The following PXDNL variants were observed in gnomAD, a reference collection of about 807,000 sequenced individuals.
The protein encoded by PXDNL is peroxidasin like, also known as probable oxidoreductase PXDNL.
PXDNL carries 145 observed loss-of-function variants against 150.8 expected under a neutral mutation model. The ratio of observed to expected loss-of-function variants is 0.96; its 90% CI spans 0.84 to 1.10. The LOEUF (loss-of-function observed/expected upper bound fraction) is 1.10. Among genes scored for constraint, PXDNL ranks in the 50% least tolerant of loss-of-function variants. PXDNL has a pLI of 0.00. For missense variants in PXDNL, 2,087 were observed against 1,873.9 expected, an observed-to-expected ratio of 1.11 and a Z score of -2.10; for synonymous variants, 757 against 725.7, an observed-to-expected ratio of 1.04 and a Z score of -0.69.
chr8:51,675,037 C>T (rs561873623), intron 1 of PXDNL, among the ~76,000 whole-genome samples: 1 of 152,288 alleles, frequency 6.6e-6, no homozygotes, highest in African/African-American at 2.4e-5. Flanking sequence ...CTATTACCTG[C>T]CATTTATTCT....
At chr8:51,691,590 C>A (rs1254778695) in intron 1 of PXDNL, among the ~76,000 whole-genome samples, 1 of 150,908 alleles carries the variant, frequency 6.6e-6, no homozygotes, top group East Asian at 2.0e-4. Flanking sequence ...AAAAAAAACA[C>A]CTAAATATAA....
At chr8:51,725,227 A>G (rs142289023) in intron 1 of PXDNL, among the ~76,000 whole-genome samples, 13 of 152,286 alleles carry the variant, frequency 8.5e-5, no homozygotes, top group Non-Finnish European at 1.6e-4. Flanking sequence ...TTGACAATCA[A>G]TAGCCCCATC....
At position 51,668,176 on chromosome 8, in the gene PXDNL, C is replaced by CTTT. The variant is rs71550279; in HGVS notation, c.165-13419_165-13417dup. On this transcript the variant is annotated intron_variant, in intron 1 of 22. Transcript: ENST00000356297. ...ATACAAGGCTTCCTTCTCGCTCTCTCTTTTTTTTTTTTTTTTTGAGACAGA... is the reference window on the plus strand; with the variant it reads ...ATACAAGGCTTCCTTCTCGCTCTCTCTTTTTTTTTTTTTTTTTTTTGAGACAGA... 3.5e-4 allele frequency among the ~76,000 whole-genome samples: 27 copies of CTTT among 77,384 alleles called. 1 individual carries two copies. Among genetic ancestry groups the CTTT allele is most frequent in the African/African-American group, 5.9e-4 (11 of 18,670 alleles). The allele number at this position is 77,384 out of a possible 152,430, so 50.8% of individuals were successfully genotyped here.
rs564380300 is a variant in PXDNL at position 51,602,565 on chromosome 8, C to G, written c.237-9867G>C. On this transcript the variant is annotated intron_variant, in intron 2 of 22. Coordinates refer to ENST00000356297, the MANE Select transcript of PXDNL (RefSeq NM_144651.5). ...AATATAGGAGTGACAAATTCTAAGA[C>G]TTCAAAATTCAAATGTTATTTGAAA... 7.3e-4 allele frequency among the ~76,000 whole-genome samples: 111 copies of G among 151,936 alleles called. 3 individuals carry two copies. The South Asian group carries it at 0.021, about 29-fold the overall frequency.
chr8:51,588,394 T>C (rs1813373124), intron 3 of PXDNL, among the ~76,000 whole-genome samples: 1 of 152,206 alleles, frequency 6.6e-6, no homozygotes, highest in South Asian at 2.1e-4. Context: ...ACACATCTGT[T>C]ATCCTTGCCT....
intron 1 of PXDNL, among the ~76,000 whole-genome samples, chr8:51,670,029 G>C (rs1815468060): frequency 6.6e-6 from 1 of 152,176 alleles, no homozygotes; most frequent in South Asian, 2.1e-4. Context: ...TTGAGGTCAA[G>C]AGTTCTAGAC....
intron 19 of PXDNL, among the ~76,000 whole-genome samples, chr8:51,362,036 A>G (rs1384344976): frequency 6.6e-6 from 1 of 151,994 alleles, no homozygotes; most frequent in African/African-American, 2.4e-5. Flanking sequence ...GATAGGCAAA[A>G]GCTTCTAAAA....
chr8:51,493,091 A>G (rs1253003159), intron 5 of PXDNL, among the ~76,000 whole-genome samples: 1 of 152,188 alleles, frequency 6.6e-6, no homozygotes, highest in Non-Finnish European at 1.5e-5. Context: ...AAACTTCCAG[A>G]GGAACGATCA....
chr8:51,423,519 A>G (rs1437105675), intron 14 of PXDNL, 56 bp downstream of exon 14: 11 of 1,487,490 alleles, frequency 7.4e-6, no homozygotes, highest in East Asian at 2.3e-5. Flanking sequence ...GGATTGGGGT[A>G]GAAGCTGTTC....
At chr8:51,542,127 G>A (rs7843341) in intron 4 of PXDNL, among the ~76,000 whole-genome samples, 7,103 of 151,892 alleles carry the variant, frequency 0.047, 566 homozygotes, top group African/African-American at 0.16. Flanking sequence ...CTGAATTTCA[G>A]GCTTTAATTT....
chr8:51,672,767 G>T (rs1392638111), intron 1 of PXDNL, among the ~76,000 whole-genome samples: 1 of 151,946 alleles, frequency 6.6e-6, no homozygotes, highest in East Asian at 1.9e-4. Flanking sequence ...ATTCCCTGAG[G>T]TTCTATAAAC....
intron 3 of PXDNL, among the ~76,000 whole-genome samples, chr8:51,558,508 C>G (rs1376072828): frequency 6.6e-6 from 1 of 152,026 alleles, no homozygotes; most frequent in African/African-American, 2.4e-5. Flanking sequence ...GAGAGGCATA[C>G]AAACACTATA....
At chr8:51,444,883 C>A (rs1375230851) in intron 12 of PXDNL, among the ~76,000 whole-genome samples, 1 of 151,472 alleles carries the variant, frequency 6.6e-6, no homozygotes, top group African/African-American at 2.4e-5. Flanking sequence ...CCTATCCTAT[C>A]CTCTTTAGGT....
At chr8:51,744,269 A>AAAGGAAGGAAGG (rs1257692642) in intron 1 of PXDNL, among the ~76,000 whole-genome samples, 1 of 110,298 alleles carries the variant, frequency 9.1e-6, no homozygotes, top group Admixed American at 1.0e-4. Flanking sequence ...AAAGAGAAAG[A>AAAGGAAGGAAGG]AAGGAAGGAA....
intron 21 of PXDNL, among the ~76,000 whole-genome samples, chr8:51,335,758 A>G (rs971826747): frequency 2.0e-5 from 3 of 150,996 alleles, no homozygotes; most frequent in Admixed American, 6.6e-5. Context: ...ACTAGATACA[A>G]TCTCAAATAG....
intron 19 of PXDNL, among the ~76,000 whole-genome samples, chr8:51,347,183 T>C (rs530577960): frequency 2.1e-3 from 317 of 152,206 alleles, no homozygotes; most frequent in Middle Eastern, 0.014. Context: ...AGGCAGAGAG[T>C]ACTTTTGTTC....
chr8:51,801,201 A>G (rs373642111), intron 1 of PXDNL, among the ~76,000 whole-genome samples: 17 of 152,204 alleles, frequency 1.1e-4, no homozygotes, highest in East Asian at 3.9e-4. Context: ...TATGTGGTTG[A>G]GATAAGGACT....
rs901612763 is a variant in PXDNL, at chr8:51,586,641, T to C, written c.308+5986A>G. On this transcript the variant is annotated intron_variant, in intron 3 of 22. Coordinates refer to ENST00000356297, the MANE Select transcript of PXDNL (RefSeq NM_144651.5). ...TTGCCTAATATTTCAAAAAAAATCT[T>C]TTTATCTATAGGATACAATAGAAAT... 2.6e-5 allele frequency among the ~76,000 whole-genome samples: 4 copies of C among 152,320 alleles called. No individual in the cohort carries two copies. In the South Asian group the frequency reaches 8.3e-4, roughly 32 times the overall value.
intron 1 of PXDNL, among the ~76,000 whole-genome samples, chr8:51,773,605 G>A (rs544016117): frequency 1.2e-4 from 19 of 152,310 alleles, no homozygotes; most frequent in African/African-American, 4.6e-4. Context: ...CAGGAAACAA[G>A]AAGGGCAACC....
Sources: allele counts gnomAD v4.1 joint callset (sites outside exome capture counted in the v4.1 genomes callset), GRCh38; gene constraint gnomAD v4.1.1; transcripts MANE v1.5; gene names NCBI Gene and HGNC (gene_info 2026-07-23, HGNC 2026-07-21).